ZNF831: variants seen among roughly 807,000 people sequenced by gnomAD.
ZNF831 encodes the protein zinc finger protein 831, also known as chromosome 20 open reading frame 174.
In ZNF831, 59 loss-of-function variants were observed where a neutral mutation model predicts 95.8. The ratio of observed to expected loss-of-function variants is 0.62; its 90% CI spans 0.50 to 0.77. The LOEUF is 0.77. ZNF831 is among the 30% of genes least tolerant of loss of function. The pLI, the probability that ZNF831 is intolerant of heterozygous loss-of-function variation, is 0.00. For missense variants in ZNF831, 2,205 were observed against 2,164.0 expected (o/e 1.02, Z -0.38); for synonymous variants, 961 against 925.5 (o/e 1.04, Z -0.70).
intron 4 of ZNF831, among the ~76,000 whole-genome samples, chr20:59,223,216 G>A (rs1986213211): frequency 6.6e-6 from 1 of 152,116 alleles, no homozygotes; most frequent in Non-Finnish European, 1.5e-5. Flanking sequence ...GACAAAACGA[G>A]GTGCCGAAGG....
intron 3 of ZNF831, among the ~76,000 whole-genome samples, chr20:59,201,318 C>T (rs1469136888): frequency 1.3e-5 from 2 of 152,036 alleles, no homozygotes; most frequent in African/African-American, 4.8e-5. Context: ...TTTTGCGCAT[C>T]AAAAATGGGT....
chr20:59,258,386 C>T lies in ZNF831; in HGVS notation c.*3643C>T, dbSNP rs1250998534. On this transcript the variant is annotated 3_prime_UTR_variant, in exon 6 of 6. Transcript: ENST00000371030. ...GCAGTCTCATGCCAAAAAGTATTTC[C>T]TTGCATTTACATTCATTACTTAGAA... The T allele has an allele frequency of 6.6e-6, 1 of 152,608 alleles. No homozygotes were observed. The allele number at this position is 152,608 out of a possible 1,614,324, so 9.5% of individuals were successfully genotyped here.
chr20:59,133,493 T>C (rs923784029), intron 1 of ZNF831, among the ~76,000 whole-genome samples: 4 of 152,210 alleles, frequency 2.6e-5, no homozygotes, highest in Non-Finnish European at 4.4e-5. Context: ...GGTCTGTCCA[T>C]AGGCATCTCC....
intron 1 of ZNF831, among the ~76,000 whole-genome samples, chr20:59,186,192 C>T (rs2146530264): frequency 6.6e-6 from 1 of 152,304 alleles, no homozygotes; most frequent in East Asian, 1.9e-4. Context: ...TTTGTAGCCT[C>T]CTTCACCCCC....
At chr20:59,157,431 C>T (rs1015767429) in intron 2 of ZNF831, among the ~76,000 whole-genome samples, 10 of 152,098 alleles carry the variant, frequency 6.6e-5, no homozygotes, top group Non-Finnish European at 8.8e-5. Flanking sequence ...GCTTGGGAGG[C>T]GAATTGGGTG....
intron 4 of ZNF831, among the ~76,000 whole-genome samples, chr20:59,249,542 G>A (rs1987782448): frequency 6.6e-6 from 1 of 152,070 alleles, no homozygotes; most frequent in African/African-American, 2.4e-5. Flanking sequence ...ATGGTGCCTG[G>A]GTCATTGAAG....
chr20:59,206,787 C>A, intron 3 of ZNF831, 118 bp from the exon 4 acceptor site: 1 of 1,122,902 alleles, frequency 8.9e-7, no homozygotes. Context: ...TCAGAGCTGA[C>A]CAGCTAGTTA....
upstream of ZNF831, among the ~76,000 whole-genome samples, chr20:59,163,641 A>G (rs1981020406): frequency 6.6e-6 from 1 of 151,198 alleles, no homozygotes; most frequent in Non-Finnish European, 1.5e-5. Flanking sequence ...GCACACCTAC[A>G]TTTCTGGGCA....
Position 59,253,964 on chromosome 20 carries a change from T to C in ZNF831, c.4255T>C (p.Leu1419=), listed in dbSNP as rs755742209. 1 of 1,603,748 alleles carries C rather than the reference T, an allele frequency of 6.2e-7. No individual in the cohort carries two copies. The part of the protein sequence containing the change: ...TTHSTAATSG[L]SLQSDTCLAV... ...TCACAGCACTGCTGCCACATCAGGA[T>C]TATCTCTGCAATCTGACACCTGCCT... Residue 1419 remains leucine (L), a synonymous_variant, in exon 6 of 6, where the codon TTA becomes CTA. Transcript: ENST00000371030.
intron 4 of ZNF831, among the ~76,000 whole-genome samples, chr20:59,250,389 C>G (rs1416888305): frequency 6.6e-6 from 1 of 152,154 alleles, no homozygotes; most frequent in African/African-American, 2.4e-5. Flanking sequence ...CACGTGGAGA[C>G]CTGCAGATAA....
rs1988068919 is a variant in ZNF831 at position 59,254,343 on chromosome 20, G to A, written c.4634G>A (p.Gly1545Glu). The A allele has an allele frequency of 6.2e-7, 1 of 1,613,918 alleles. No individual in the cohort carries two copies. The highest frequency in any genetic ancestry group is 1.1e-5 in the South Asian group (1 of 91,082). Residue 1545 changes from glycine (G) to glutamate (E), a missense_variant, in exon 6 of 6, where the codon GGG becomes GAG. By Grantham distance (98) the Gly-to-Glu change is moderately conservative. Coordinates refer to ENST00000371030, the MANE Select transcript of ZNF831 (RefSeq NM_178457.3). The surrounding 1 kb of genome is among the most constrained non-coding windows in gnomAD (Gnocchi z 4.5). ...EEGRAQTLLP[G>E]RPSSGQRISD... ...GGCAGAGCACAGACCCTCTTGCCAG[G>A]GAGACCTTCATCTGGACAAAGAATT...
chr20:59,202,396 G>T, intron 3 of ZNF831, among the ~76,000 whole-genome samples: 1 of 142,748 alleles, frequency 7.0e-6, no homozygotes, highest in Non-Finnish European at 1.5e-5. Flanking sequence ...ATGAAGTCTT[G>T]GCACATCTGA....
rs547821549 is a variant in ZNF831 at position 59,195,467 on chromosome 20, C to T, written c.3739-402C>T. Among the ~76,000 whole-genome samples, 15 of 152,286 alleles carry T rather than the reference C, an allele frequency of 9.8e-5. No individual in the cohort carries two copies. The South Asian group carries it at 2.7e-3, about 27-fold the overall frequency. ...GGAGACCAGAGTCTTGCAGGCTGTT[C>T]GGCTTTCCCTAGGTGGAACCCAAAG... On this transcript the variant is annotated intron_variant, in intron 2 of 5. Coordinates refer to ENST00000371030, the MANE Select transcript of ZNF831 (RefSeq NM_178457.3).
At chr20:59,154,785 T>C (rs922457518) in intron 2 of ZNF831, among the ~76,000 whole-genome samples, 9 of 152,204 alleles carry the variant, frequency 5.9e-5, no homozygotes, top group Admixed American at 2.6e-4. Context: ...CCGCACCGTC[T>C]TTTGCCCTTT....
At chr20:59,214,941 T>G (rs1359360077) in intron 4 of ZNF831, among the ~76,000 whole-genome samples, 2 of 152,264 alleles carry the variant, frequency 1.3e-5, no homozygotes, top group Non-Finnish European at 2.9e-5. Context: ...TGACAGTTAT[T>G]GACCCTTGGG....
chr20:59,195,322 G>A (rs557142843), intron 2 of ZNF831, among the ~76,000 whole-genome samples: 8 of 152,196 alleles, frequency 5.3e-5, no homozygotes, highest in South Asian at 2.1e-4. Context: ...GGGGGTTCAC[G>A]CACCTGGTTG....
chr20:59,223,493 C>T (rs1986232647), intron 4 of ZNF831, among the ~76,000 whole-genome samples: 1 of 152,212 alleles, frequency 6.6e-6, no homozygotes, highest in African/African-American at 2.4e-5. Flanking sequence ...AGCAGCCTCC[C>T]AGCAGAGGCA....
rs563255417 is a variant in ZNF831, at chr20:59,191,882, C to T, written c.863C>T (p.Pro288Leu). 9.7e-5 allele frequency: 156 copies of T among 1,613,060 alleles called. 1 individual carries two copies. In the East Asian group the frequency reaches 2.4e-3, roughly 25 times the overall value. The stretch of plus-strand genomic sequence containing the variant: ...TGGGACTCTGCCCCCATGGCGTCAC[C>T]TGGGCTCCCAGCGGCCAGCACACAA... ...APWDSAPMASPGLPAASTQPW... is the reference protein window; with the variant it reads ...APWDSAPMASLGLPAASTQPW... Residue 288 changes from proline (P) to leucine (L), a missense_variant, in exon 2 of 6, where the codon CCT (proline) becomes CTT (leucine). Coordinates refer to ENST00000371030, the MANE Select transcript of ZNF831 (RefSeq NM_178457.3).
chr20:59,197,858 C>T (rs1189336049), intron 3 of ZNF831, among the ~76,000 whole-genome samples: 2 of 152,082 alleles, frequency 1.3e-5, no homozygotes, highest in African/African-American at 2.4e-5. Context: ...GAGCTGCATG[C>T]GGGGCTCTGG....
Sources: gnomAD v4.1 joint callset for allele counts (sites outside exome capture counted in the v4.1 genomes callset) on GRCh38, gnomAD v4.1.1 for gene constraint, Gnocchi (gnomAD v3.1) non-coding constraint, MANE v1.5 for transcripts, NCBI Gene and HGNC (gene_info 2026-07-23, HGNC 2026-07-21) for gene names.